CHIT1: variants seen among roughly 807,000 people sequenced by gnomAD.
CHIT1 encodes chitotriosidase-1.
In CHIT1, 47 loss-of-function variants were observed where a neutral mutation model predicts 52.0. The ratio of observed to expected loss-of-function variants is 0.90; its 90% CI spans 0.71 to 1.15. The LOEUF (loss-of-function observed/expected upper bound fraction) is 1.15. Among genes scored for constraint, CHIT1 ranks in the 50% most tolerant of loss-of-function variants. The pLI is 0.00. For missense variants in CHIT1, 569 were observed against 583.0 expected (o/e 0.98, Z 0.25); for synonymous variants, 242 against 228.2 (o/e 1.06, Z -0.54).
At position 203,223,213 on chromosome 1, in the gene CHIT1, T is replaced by C. The variant is rs1263370087; in HGVS notation, c.527A>G (p.Glu176Gly). The change falls in exon 6 of 11, where the codon GAA becomes GGA. Residue 176 changes from glutamate (E) to glycine (G), a missense_variant. By Grantham distance (98) the Glu-to-Gly change is moderately conservative. Transcript: ENST00000367229. ...AACCGCTGCACTCAGAAGAAGGCGT[T>C]CCTTCCCTGAGGTCTGGGCTTCCTG... ...FQQEAQTSGK[E>G]RLLLSAAVPA... is the part of the protein sequence containing the mutation. 27 of 1,614,204 alleles carry C rather than the reference T, an allele frequency of 1.7e-5. No individual in the cohort carries two copies. The highest frequency in any genetic ancestry group is 2.2e-5 in the Non-Finnish European group (26 of 1,180,038).
intron 7 of CHIT1, 83 bp from the exon 8 acceptor site, chr1:203,219,932 T>TAGG: frequency 4.6e-6 from 7 of 1,529,058 alleles, no homozygotes; most frequent in Non-Finnish European, 6.2e-6. Context: ...GAGGCAGAGC[T>TAGG]AGGAGGGCAG....
Position 203,223,198 on chromosome 1 carries a change from C to G in CHIT1, c.542G>C (p.Ser181Thr). Residue 181 changes from serine (S) to threonine (T), a missense_variant, in exon 6 of 11, where the codon AGT (serine) becomes ACT (threonine). By Grantham distance (58) the Ser-to-Thr change is moderately conservative. Transcript: ENST00000367229. ...QTSGKERLLL[S>T]AAVPAGQTYV... is the part of the protein sequence containing the mutation. Reference sequence around the variant, plus strand: ...GGTCTGCCCAGCTGGAACCGCTGCACTCAGAAGAAGGCGTTCCTTCCCTGA... The same window carrying G: ...GGTCTGCCCAGCTGGAACCGCTGCAGTCAGAAGAAGGCGTTCCTTCCCTGA... 1 of 1,614,214 alleles carries G rather than the reference C, an allele frequency of 6.2e-7. No individual in the cohort carries two copies. The highest frequency in any genetic ancestry group is 1.1e-5 in the South Asian group (1 of 91,088).
chr1:203,224,901 A>T (rs1174575578), intron 4 of CHIT1, 147 bp downstream of exon 4: 1 of 738,478 alleles, frequency 1.4e-6, no homozygotes, highest in Non-Finnish European at 2.4e-6. Context: ...ACCCAGAAGG[A>T]AATTCAGCCC....
Position 203,221,905 on chromosome 1 carries a change from C to G in CHIT1, c.729+297G>C, listed in dbSNP as rs550117441. ...GGGGGTGTGTGAGGGAAGCAGCAGGCCTGCTGGCTGGAGACTCAAGCTCAA... is the reference window on the plus strand; with the variant it reads ...GGGGGTGTGTGAGGGAAGCAGCAGGGCTGCTGGCTGGAGACTCAAGCTCAA... On this transcript the variant is annotated intron_variant, in intron 7 of 10. Coordinates refer to ENST00000367229, the MANE Select transcript of CHIT1 (RefSeq NM_003465.3). 2.6e-5 allele frequency among the ~76,000 whole-genome samples: 4 copies of G among 152,234 alleles called. No homozygotes were observed. The South Asian group carries it at 8.3e-4, about 32-fold the overall frequency.
In CHIT1 at chr1:203,225,867, G is replaced by A. The variant is rs1279040185; in HGVS notation, c.59C>T (p.Ser20Phe). 2.5e-6 allele frequency: 4 copies of A among 1,614,164 alleles called. No homozygotes were observed. The highest frequency in any genetic ancestry group is 3.3e-5 in the Admixed American group (2 of 60,034). ...FMVLLMIPWG[S>F]AAKLVCYFTN... ...GAAGTAGCAGACCAGTTTTGCAGCAGAGCCTGGCCCGTTGGAGTAAAGAAA... is the reference window on the plus strand; with the variant it reads ...GAAGTAGCAGACCAGTTTTGCAGCAAAGCCTGGCCCGTTGGAGTAAAGAAA... Residue 20 changes from serine to phenylalanine, a missense_variant, in exon 3 of 11, where the codon TCT becomes TTT. Transcript: ENST00000367229.
intron 1 of CHIT1, 126 bp from the exon 2 acceptor site, chr1:203,228,688 T>C: frequency 9.0e-7 from 1 of 1,112,380 alleles, no homozygotes; most frequent in Non-Finnish European, 1.3e-6. Context: ...GCTTTCTCCT[T>C]TCAGAAGGGA....
At chr1:203,223,722 C>T in intron 4 of CHIT1, 62 bp from the exon 5 acceptor site, 1 of 1,552,084 alleles carries the variant, frequency 6.4e-7, no homozygotes, top group South Asian at 1.1e-5. Flanking sequence ...CACTCTTACT[C>T]AGAAGCAGGC....
At position 203,216,965 on chromosome 1, in the gene CHIT1, G is replaced by C. The variant is rs1065761; in HGVS notation, c.1325C>G (p.Ala442Gly). 0.12 allele frequency: 193,843 copies of C among 1,614,100 alleles called. 12,183 individuals are homozygous for C. Among genetic ancestry groups the C allele is most frequent in the Admixed American group, 0.17 (10,163 of 60,024 alleles). Residue 442 changes from alanine (A) to glycine (G), a missense_variant, in exon 11 of 11, where the codon GCG (alanine) becomes GGG (glycine). Transcript: ENST00000367229. ...RERSSFYSCA[A>G]GRLFQQSCPT... Reference sequence around the variant, plus strand: ...GCAGCTTTGCTGGAACAGCCGCCCCGCTGCACAGCTGTAGAAGCTGGACCG... The same window carrying C: ...GCAGCTTTGCTGGAACAGCCGCCCCCCTGCACAGCTGTAGAAGCTGGACCG...
intron 10 of CHIT1, 118 bp from the exon 11 acceptor site, chr1:203,217,251 C>G: frequency 6.3e-7 from 1 of 1,582,460 alleles, no homozygotes; most frequent in Non-Finnish European, 8.5e-7. Context: ...GCCCTACAGG[C>G]TGAGTACAGC....
At chr1:203,219,904 CT>C in intron 7 of CHIT1, 55 bp from the exon 8 acceptor site, 1 of 1,598,108 alleles carries the variant, frequency 6.3e-7, no homozygotes, top group Non-Finnish European at 8.5e-7. Context: ...TTCTGATTAT[CT>C]AAGTCTGGGG....
intron 8 of CHIT1, 139 bp downstream of exon 8, chr1:203,219,525 A>G: frequency 9.0e-7 from 1 of 1,112,014 alleles, no homozygotes; most frequent in Non-Finnish European, 1.4e-6. Flanking sequence ...TCAAGATGGC[A>G]TGGATGAGAT....
chr1:203,229,797 A>T, upstream of CHIT1: 1 of 815,754 alleles, frequency 1.2e-6, no homozygotes, highest in African/African-American at 1.7e-5. Flanking sequence ...GATGTCAAGC[A>T]GCATGAATTG....
rs375660112 is a variant in CHIT1 at position 203,223,511 on chromosome 1, A to G, written c.464T>C (p.Phe155Ser). Reference sequence around the variant, plus strand: ...CAGCCATACCTGTACCAGGGTTGTGAAGCGCTCCTTGTCTACGGCAGGGCT... The same window carrying G: ...CAGCCATACCTGTACCAGGGTTGTGGAGCGCTCCTTGTCTACGGCAGGGCT... ...QGSPAVDKER[F>S]TTLVQDLANA... The change falls in exon 5 of 11, where the codon TTC (phenylalanine) becomes TCC (serine). Residue 155 changes from phenylalanine to serine, a missense_variant. Transcript: ENST00000367229. 1 of 1,614,054 alleles carries G rather than the reference A, an allele frequency of 6.2e-7. No homozygotes were observed. Among genetic ancestry groups the G allele is most frequent in the African/African-American group, 1.3e-5 (1 of 74,924 alleles).
chr1:203,220,328 G>T (rs955593317), intron 7 of CHIT1, among the ~76,000 whole-genome samples: 1 of 152,220 alleles, frequency 6.6e-6, no homozygotes, highest in Admixed American at 6.5e-5. Context: ...GCAATAAAGG[G>T]TCGCTGTGGT....
rs532230886 is a variant in CHIT1 at position 203,223,438 on chromosome 1, G to A, written c.480+57C>T. 4 of 1,608,166 alleles carry A rather than the reference G, an allele frequency of 2.5e-6. No individual in the cohort carries two copies. In the South Asian group the frequency reaches 3.3e-5, roughly 13 times the overall value. ...AGAGCAGCCCCCACATGTGCTGTGGGGGCTCCAGCTCTGGGTCCCTGCACA... is the reference window on the plus strand; with the variant it reads ...AGAGCAGCCCCCACATGTGCTGTGGAGGCTCCAGCTCTGGGTCCCTGCACA... On this transcript the variant is annotated intron_variant, in intron 5 of 10. Transcript: ENST00000367229.
chr1:203,218,014 G>T, intron 9 of CHIT1, 149 bp from the exon 10 acceptor site: 1 of 1,534,506 alleles, frequency 6.5e-7, no homozygotes. Context: ...GCCTTGGGCT[G>T]GGAGCCTGGA....
At chr1:203,218,507 G>C (rs1656619969) in intron 9 of CHIT1, among the ~76,000 whole-genome samples, 1 of 152,118 alleles carries the variant, frequency 6.6e-6, no homozygotes, top group Admixed American at 6.5e-5. Flanking sequence ...GTCCAGCTAT[G>C]TGGGCCTACA....
chr1:203,224,971 G>T lies in CHIT1; in HGVS notation c.314+77C>A. ...ACACCTCAGCCTGGCCTGATTCCCT[G>T]ACCAGGGCTCCCTCTGGCCAGTGCA... On this transcript the variant is annotated intron_variant, in intron 4 of 10. Coordinates refer to ENST00000367229, the MANE Select transcript of CHIT1 (RefSeq NM_003465.3). 3 of 1,361,054 alleles carry T rather than the reference G, an allele frequency of 2.2e-6. No homozygotes were observed. The South Asian group carries it at 3.5e-5, about 16-fold the overall frequency. 84.3% of individuals were successfully genotyped at this position (1,361,054 alleles called of 1,614,324 possible).
At chr1:203,229,753 G>GT, upstream of CHIT1, 1 of 1,235,230 alleles carries the variant, frequency 8.1e-7, no homozygotes, top group Non-Finnish European at 1.2e-6. Context: ...GGGGCACTGG[G>GT]TGGGGGGGAT....
Sources: gnomAD v4.1 joint callset for allele counts (sites outside exome capture counted in the v4.1 genomes callset) on GRCh38, gnomAD v4.1.1 for gene constraint, MANE v1.5 for transcripts, NCBI Gene and HGNC (gene_info 2026-07-23, HGNC 2026-07-21) for gene names.